PIK3AP1: variants seen among roughly 807,000 people sequenced by gnomAD.
PIK3AP1 encodes phosphoinositide-3-kinase adaptor protein 1.
In PIK3AP1, 21 loss-of-function variants were observed where a neutral mutation model predicts 88.1. The observed-to-expected ratio is 0.24, with a 90% confidence interval of 0.17 to 0.34. The LOEUF (loss-of-function observed/expected upper bound fraction) is 0.34. Ranked by LOEUF, PIK3AP1 falls within the 10% of genes least tolerant of loss-of-function variation. The pLI, the probability that PIK3AP1 is intolerant of heterozygous loss-of-function variation, is 1.00. For missense variants in PIK3AP1, 828 were observed against 1,035.7 expected (o/e 0.80, Z 2.75); for synonymous variants, 398 against 400.0 (o/e 1.00, Z 0.06).
chr10:96,637,643 C>T (rs1843330986), intron 8 of PIK3AP1, among the ~76,000 whole-genome samples: 1 of 152,044 alleles, frequency 6.6e-6, no homozygotes, highest in African/African-American at 2.4e-5. Context: ...AGCCACCATG[C>T]GTGGCCTATG....
chr10:96,658,741 C>T (rs988304912), intron 2 of PIK3AP1, among the ~76,000 whole-genome samples: 1 of 152,112 alleles, frequency 6.6e-6, no homozygotes, highest in Non-Finnish European at 1.5e-5. Flanking sequence ...AGACATGCTA[C>T]TCCAGAATGC....
intron 8 of PIK3AP1, among the ~76,000 whole-genome samples, chr10:96,628,918 A>ATATATATATATATATATATATATT (rs1843199172): frequency 1.6e-5 from 2 of 122,552 alleles, no homozygotes; most frequent in African/African-American, 6.2e-5. Flanking sequence ...GTGTATATAT[A>ATATATATATATATATATATATATT]TATATATATA....
chr10:96,686,225 C>T (rs940461538), intron 2 of PIK3AP1, among the ~76,000 whole-genome samples: 9 of 152,178 alleles, frequency 5.9e-5, no homozygotes, highest in South Asian at 4.1e-4. Context: ...GCTGCTTCAG[C>T]GGAGAACTAA....
intron 1 of PIK3AP1, among the ~76,000 whole-genome samples, chr10:96,712,496 T>A (rs910178247): frequency 2.0e-5 from 3 of 151,884 alleles, no homozygotes; most frequent in African/African-American, 7.3e-5. Context: ...CTGCTTGGAT[T>A]TTTTTTTTCT....
In PIK3AP1 at chr10:96,645,485, T is replaced by C; in HGVS notation, c.1363A>G (p.Thr455Ala). Residue 455 changes from threonine to alanine, a missense_variant, in exon 8 of 17, where the codon ACT (threonine) becomes GCT (alanine). Physicochemically the swap from Thr to Ala is moderately conservative, Grantham distance 58. Around this residue, in one of 3 missense-constraint regions of PIK3AP1, gnomAD observed 610 missense variants for 760.1 expected, o/e 0.80. Coordinates refer to ENST00000339364, the MANE Select transcript of PIK3AP1 (RefSeq NM_152309.3). ...ESMAAFVPAA[T>A]EDLYVEMLQA... ...TTGTGCTACTTACAGAGGTCTTCAG[T>C]GGCAGCTGGGACAAAGGCAGCCATG... 1.9e-6 allele frequency: 3 copies of C among 1,613,566 alleles called. No homozygotes were observed. The highest frequency in any genetic ancestry group is 2.5e-6 in the Non-Finnish European group (3 of 1,179,806).
chr10:96,656,848 T>C lies in PIK3AP1; in HGVS notation c.517A>G (p.Thr173Ala). 1 of 1,613,968 alleles carries C rather than the reference T, an allele frequency of 6.2e-7. No homozygotes were observed. The highest frequency in any genetic ancestry group is 8.5e-7 in the Non-Finnish European group (1 of 1,179,986). Residue 173 changes from threonine (T) to alanine (A), a missense_variant, in exon 3 of 17, where the codon ACT becomes GCT. Physicochemically the swap from Thr to Ala is moderately conservative, Grantham distance 58 (BLOSUM62 0). Coordinates refer to ENST00000339364, the MANE Select transcript of PIK3AP1 (RefSeq NM_152309.3). ...ACCACCATCAGGTTCCCAGGTGAAG[T>C]CACCGTCGGCAGGTTCTGCTGCTTC... Reference protein sequence around the residue: ...YSKQQNLPTVTSPGNLMVVQP... With the variant: ...YSKQQNLPTVASPGNLMVVQP...
At chr10:96,623,609 T>G (rs1843117118) in intron 10 of PIK3AP1, 72 bp from the exon 11 acceptor site, 4,196 of 976,512 alleles carry the variant, frequency 4.3e-3, no homozygotes, top group Non-Finnish European at 6.0e-3. Flanking sequence ...TAATAATGAA[T>G]CCATACCTAG....
intron 8 of PIK3AP1, 53 bp downstream of exon 8, chr10:96,645,420 A>T: frequency 1.3e-6 from 2 of 1,585,130 alleles, no homozygotes; most frequent in Non-Finnish European, 1.7e-6. Context: ...CCGGAATGAA[A>T]AAAGCTGTTT....
intron 7 of PIK3AP1, among the ~76,000 whole-genome samples, chr10:96,647,179 A>C (rs1843471357): frequency 6.6e-6 from 1 of 152,246 alleles, no homozygotes; most frequent in Non-Finnish European, 1.5e-5. Context: ...TGACTTCGGC[A>C]CAAAATGAAA....
intron 1 of PIK3AP1, among the ~76,000 whole-genome samples, chr10:96,714,861 A>G (rs1213238119): frequency 6.6e-6 from 1 of 152,216 alleles, no homozygotes; most frequent in Non-Finnish European, 1.5e-5. Context: ...AAATAATTGA[A>G]TAAATACACT....
At chr10:96,623,053 A>T (rs573039721) in intron 11 of PIK3AP1, among the ~76,000 whole-genome samples, 3 of 152,084 alleles carry the variant, frequency 2.0e-5, no homozygotes, top group Non-Finnish European at 4.4e-5. Flanking sequence ...TGCTTTATGG[A>T]CACTTTCCAC....
At position 96,612,978 on chromosome 10, in the gene PIK3AP1, ATATATTTTTTTTTTTTTT is replaced by A. The variant is rs1849147931; in HGVS notation, c.2015-3129_2015-3112del. Among the ~76,000 whole-genome samples the A allele has an allele frequency of 3.8e-3, 176 of 46,838 alleles. No homozygotes were observed. The East Asian group carries it at 0.039, about 10-fold the overall frequency. 30.7% of individuals were successfully genotyped at this position (46,838 alleles called of 152,430 possible). ...TATATATATATATATATATATATAT[ATATATTTTTTTTTTTTTT>A]TTTTTTTTTTTTTTTTTTTTGAGAC... On this transcript the variant is annotated intron_variant, in intron 13 of 16. Transcript: ENST00000339364.
At chr10:96,643,089 T>G (rs1843412873) in intron 8 of PIK3AP1, among the ~76,000 whole-genome samples, 1 of 152,124 alleles carries the variant, frequency 6.6e-6, no homozygotes, top group Non-Finnish European at 1.5e-5. Flanking sequence ...AAGACATCAG[T>G]AACCGAAATG....
rs545655968 is a variant in PIK3AP1 at position 96,636,481 on chromosome 10, C to T, written c.1376-7988G>A. Among the ~76,000 whole-genome samples the T allele has an allele frequency of 1.1e-4, 16 of 152,234 alleles. No individual in the cohort carries two copies. In the South Asian group the frequency reaches 3.3e-3, roughly 32 times the overall value. ...ACCCCACATGTACACATAACCCGGG[C>T]ATACAGTGAACTACACAGAAAACTC... is the stretch of plus-strand genomic sequence containing the variant. On this transcript the variant is annotated intron_variant, in intron 8 of 16. Coordinates refer to ENST00000339364, the MANE Select transcript of PIK3AP1 (RefSeq NM_152309.3).
intron 8 of PIK3AP1, among the ~76,000 whole-genome samples, chr10:96,642,351 G>A (rs1843400368): frequency 6.6e-6 from 1 of 151,316 alleles, no homozygotes; most frequent in Non-Finnish European, 1.5e-5. Flanking sequence ...GCTTGAGCTG[G>A]GGAGGCAGTG....
chr10:96,632,788 GTTCCAATTGTGTTT>G, intron 8 of PIK3AP1: 1 of 1,459,212 alleles, frequency 6.9e-7, no homozygotes, highest in Non-Finnish European at 9.3e-7. Flanking sequence ...CAATGCATAG[GTTCCAATTGTGTTT>G]TTCCCACTTC....
In PIK3AP1 at chr10:96,645,616, T is replaced by A; in HGVS notation, c.1232A>T (p.His411Leu). Reference sequence around the variant, plus strand: ...GTACACAGCATCAGCCTCCTCCCCGTGCATCAGTTCCTCTTTAATGTGACT... The same window carrying A: ...GTACACAGCATCAGCCTCCTCCCCGAGCATCAGTTCCTCTTTAATGTGACT... ...LKSHIKEELM[H>L]GEEADAVYES... Residue 411 changes from histidine to leucine, a missense_variant, in exon 8 of 17, where the codon CAC becomes CTC. Around this residue, in one of 3 missense-constraint regions of PIK3AP1, gnomAD observed 610 missense variants for 760.1 expected, o/e 0.80. Transcript: ENST00000339364. 3 of 1,611,364 alleles carry A rather than the reference T, an allele frequency of 1.9e-6. No homozygotes were observed. The highest frequency in any genetic ancestry group is 2.5e-6 in the Non-Finnish European group (3 of 1,178,794).
At chr10:96,692,636 G>A (rs765562613) in intron 2 of PIK3AP1, among the ~76,000 whole-genome samples, 21 of 151,946 alleles carry the variant, frequency 1.4e-4, no homozygotes, top group African/African-American at 1.9e-4. Flanking sequence ...ATAAAATTAC[G>A]TCATAAAAAT....
chr10:96,620,621 A>G lies in PIK3AP1; in HGVS notation c.1736-64T>C, dbSNP rs1589493471. 13 of 1,424,320 alleles carry G rather than the reference A, an allele frequency of 9.1e-6. No homozygotes were observed. In the East Asian group the frequency reaches 3.0e-4, roughly 33 times the overall value. 88.2% of individuals were successfully genotyped at this position (1,424,320 alleles called of 1,614,324 possible). On this transcript the variant is annotated intron_variant, in intron 11 of 16. Coordinates refer to ENST00000339364, the MANE Select transcript of PIK3AP1 (RefSeq NM_152309.3). Reference sequence around the variant, plus strand: ...ACTGGGGACCACTCACCAGAAGTGTACGGTTAATGAGGCTGGTCACAGGCT... The same window carrying G: ...ACTGGGGACCACTCACCAGAAGTGTGCGGTTAATGAGGCTGGTCACAGGCT...
Sources: gnomAD v4.1 joint callset for allele counts (sites outside exome capture counted in the v4.1 genomes callset) on GRCh38, gnomAD v4.1.1 for gene constraint, gnomAD v4.1.1 regional missense constraint, MANE v1.5 for transcripts, NCBI Gene and HGNC (gene_info 2026-07-23, HGNC 2026-07-21) for gene names.